LEPR: variants seen among roughly 807,000 people sequenced by gnomAD.
LEPR encodes the protein OB receptor.
LEPR carries 56 observed loss-of-function variants against 114.7 expected under a neutral mutation model. That is an observed-to-expected ratio of 0.49 (90% confidence interval 0.39 to 0.61). The LOEUF is 0.61. Ranked by LOEUF, LEPR falls within the 20% of genes least tolerant of loss-of-function variation. The pLI, the probability that LEPR is intolerant of heterozygous loss-of-function variation, is 0.00. For missense variants in LEPR, 1,202 were observed against 1,352.9 expected, an observed-to-expected ratio of 0.89 and a Z score of 1.75; for synonymous variants, 443 against 461.4, an observed-to-expected ratio of 0.96 and a Z score of 0.51.
chr1:65,487,897 TTC>T (rs546969383), intron 2 of LEPR, among the ~76,000 whole-genome samples: 53 of 151,668 alleles, frequency 3.5e-4, no homozygotes, highest in Non-Finnish European at 6.3e-4. Context: ...TTCTTTCCTT[TTC>T]TTTCTTTCTT....
chr1:65,491,905 T>C (rs1463945475), intron 2 of LEPR, among the ~76,000 whole-genome samples: 7 of 152,126 alleles, frequency 4.6e-5, no homozygotes, highest in Admixed American at 4.6e-4. Context: ...TGTGTTTCTG[T>C]TGAGAAAAGC....
At chr1:65,551,124 T>G (rs1652312239) in intron 2 of LEPR, among the ~76,000 whole-genome samples, 1 of 152,134 alleles carries the variant, frequency 6.6e-6, no homozygotes, top group Non-Finnish European at 1.5e-5. Flanking sequence ...TTGCCAGTAT[T>G]TTATTGAGGA....
intron 2 of LEPR, among the ~76,000 whole-genome samples, chr1:65,502,363 C>G (rs1161201640): frequency 1.3e-5 from 2 of 152,186 alleles, no homozygotes; most frequent in East Asian, 3.9e-4. Context: ...CTGCTGGCAC[C>G]TTGATCTTGG....
rs1013989357 is a variant in LEPR at position 65,589,520 on chromosome 1, T to C, written c.495-3137T>C. ...ACAAGGTCACAAAATTTTTTACTTATGTTTTCTTCTAGAAGTTTCATAGCT... is the reference window on the plus strand; with the variant it reads ...ACAAGGTCACAAAATTTTTTACTTACGTTTTCTTCTAGAAGTTTCATAGCT... On this transcript the variant is annotated intron_variant, in intron 5 of 19. Coordinates refer to ENST00000349533, the MANE Select transcript of LEPR (RefSeq NM_002303.6). 2.6e-5 allele frequency among the ~76,000 whole-genome samples: 4 copies of C among 152,094 alleles called. No individual in the cohort carries two copies. The East Asian group carries it at 7.7e-4, about 29-fold the overall frequency.
At chr1:65,462,473 T>A (rs1646957916) in intron 2 of LEPR, among the ~76,000 whole-genome samples, 1 of 152,248 alleles carries the variant, frequency 6.6e-6, no homozygotes, top group Non-Finnish European at 1.5e-5. Context: ...TGTGCATGTG[T>A]CTTTGTAGTA....
intron 2 of LEPR, among the ~76,000 whole-genome samples, chr1:65,453,407 G>A (rs1478368539): frequency 6.6e-6 from 1 of 151,986 alleles, no homozygotes; most frequent in Admixed American, 6.5e-5. Context: ...GCTTTCTCTT[G>A]TGGGCATTTA....
chr1:65,565,034 A>G (rs1210191943), intron 2 of LEPR, among the ~76,000 whole-genome samples: 1 of 152,196 alleles, frequency 6.6e-6, no homozygotes, highest in African/African-American at 2.4e-5. Flanking sequence ...ATAGGTTTCC[A>G]AAGGTCTACT....
chr1:65,464,632 T>A (rs1646986847), intron 2 of LEPR, among the ~76,000 whole-genome samples: 1 of 152,240 alleles, frequency 6.6e-6, no homozygotes, highest in Non-Finnish European at 1.5e-5. Flanking sequence ...CTGGTAGAAT[T>A]TGGCTGTGAA....
At chr1:65,603,325 A>T (rs1656576781) in intron 10 of LEPR, among the ~76,000 whole-genome samples, 1 of 149,146 alleles carries the variant, frequency 6.7e-6, no homozygotes, top group African/African-American at 2.5e-5. Context: ...CCTCATTTTC[A>T]TTTTTGCCCA....
At chr1:65,529,325 C>A (rs1650211174) in intron 2 of LEPR, among the ~76,000 whole-genome samples, 1 of 151,782 alleles carries the variant, frequency 6.6e-6, no homozygotes, top group African/African-American at 2.4e-5. Flanking sequence ...TCAAGACCAG[C>A]TTGGCCAAGA....
intron 2 of LEPR, among the ~76,000 whole-genome samples, chr1:65,468,907 C>T (rs566352479): frequency 6.6e-6 from 1 of 152,192 alleles, no homozygotes. Context: ...CCTCAAATAG[C>T]AGAACAGCTG....
chr1:65,621,339 T>G lies in LEPR; in HGVS notation c.2492-14T>G. 1 of 1,603,414 alleles carries G rather than the reference T, an allele frequency of 6.2e-7. No homozygotes were observed. Among genetic ancestry groups the G allele is most frequent in the South Asian group, 1.1e-5 (1 of 90,804 alleles). Reference sequence around the variant, plus strand: ...TCAAGTTTCTGAGTTGTGTAAATTGTATTTCTTTTTCAGATGATATTGAAA... The same window carrying G: ...TCAAGTTTCTGAGTTGTGTAAATTGGATTTCTTTTTCAGATGATATTGAAA... On this transcript the variant is annotated splice_polypyrimidine_tract_variant and intron_variant, in intron 17 of 19. Transcript: ENST00000349533.
At chr1:65,630,925 C>T (rs963121212) in intron 19 of LEPR, among the ~76,000 whole-genome samples, 2 of 151,976 alleles carry the variant, frequency 1.3e-5, no homozygotes, top group Non-Finnish European at 2.9e-5. Context: ...TCCCTGAATT[C>T]TGTGTTCCTT....
At chr1:65,607,672 A>G (rs1656900631) in intron 11 of LEPR, among the ~76,000 whole-genome samples, 4 of 152,232 alleles carry the variant, frequency 2.6e-5, no homozygotes, top group Admixed American at 2.0e-4. Flanking sequence ...TTAGGGCTTC[A>G]GAGACGCACT....
At chr1:65,548,352 C>G (rs1170506004) in intron 2 of LEPR, among the ~76,000 whole-genome samples, 1 of 152,092 alleles carries the variant, frequency 6.6e-6, no homozygotes, top group Admixed American at 6.5e-5. Context: ...AGTTCAATTC[C>G]TGGGTATCCT....
chr1:65,477,759 T>G (rs1647175341), intron 2 of LEPR, among the ~76,000 whole-genome samples: 1 of 152,256 alleles, frequency 6.6e-6, no homozygotes, highest in African/African-American at 2.4e-5. Context: ...GACCACATTA[T>G]GAGTTCTGGA....
At chr1:65,621,135 T>C (rs887894434) in intron 17 of LEPR, among the ~76,000 whole-genome samples, 2 of 152,166 alleles carry the variant, frequency 1.3e-5, no homozygotes, top group East Asian at 1.9e-4. Flanking sequence ...TGAAAAAATA[T>C]TTTGCTAATT....
intron 8 of LEPR, among the ~76,000 whole-genome samples, chr1:65,600,326 A>G (rs984750079): frequency 2.0e-5 from 3 of 152,080 alleles, no homozygotes; most frequent in South Asian, 4.1e-4. Flanking sequence ...CCTGTGCAGT[A>G]ATTTTATGCT....
At chr1:65,440,000 C>CAAAAAAAAAAAA (rs550347312) in intron 2 of LEPR, among the ~76,000 whole-genome samples, 2 of 58,140 alleles carry the variant, frequency 3.4e-5, no homozygotes, top group Non-Finnish European at 5.8e-5. Context: ...GATTCTGTCT[C>CAAAAAAAAAAAA]AAAAAAAAAA....
Sources: gnomAD v4.1 joint callset for allele counts (sites outside exome capture counted in the v4.1 genomes callset) on GRCh38, gnomAD v4.1.1 for gene constraint, MANE v1.5 for transcripts, NCBI Gene and HGNC (gene_info 2026-07-23, HGNC 2026-07-21) for gene names.